Variants in SMAD3 observed in about 807,000 individuals in gnomAD.
SMAD3 encodes MAD homolog 3.
Under a neutral mutation model 51.8 loss-of-function variants are expected in SMAD3, and 12 were observed. The ratio of observed to expected loss-of-function variants is 0.23; its 90% CI spans 0.15 to 0.38. The LOEUF is 0.38. Among genes scored for constraint, SMAD3 ranks in the 10% least tolerant of loss-of-function variants. The probability of loss-of-function intolerance (pLI) is 1.00; values close to 1 mark genes in which losing one functional copy is unlikely to be tolerated. For missense variants in SMAD3, 294 were observed against 565.6 expected (o/e 0.52, Z 4.87); for synonymous variants, 238 against 227.7 (o/e 1.05, Z -0.41).
chr15:67,123,898 C>T (rs1301006372), intron 1 of SMAD3, among the ~76,000 whole-genome samples: 1 of 152,186 alleles, frequency 6.6e-6, no homozygotes, highest in Non-Finnish European at 1.5e-5. Flanking sequence ...TCCTGCTTTC[C>T]AACTTTCGGA....
In SMAD3 at chr15:67,191,460, C is replaced by T. The variant is rs751729329; in HGVS notation, c.*924C>T. 3.4e-5 allele frequency: 8 copies of T among 233,208 alleles called. No individual in the cohort carries two copies. The highest frequency in any genetic ancestry group is 6.0e-5 in the East Asian group (1 of 16,736). The allele number at this position is 233,208 out of a possible 1,614,324, so 14.4% of individuals were successfully genotyped here. ...AGCTTGCTCCAGATTCTGATGCATA[C>T]GGCTATATTGGTTTATGTAGTCAGT... On this transcript the variant is annotated 3_prime_UTR_variant, in exon 9 of 9. Coordinates refer to ENST00000327367, the MANE Select transcript of SMAD3 (RefSeq NM_005902.4).
chr15:67,104,137 G>C (rs1960824265), intron 1 of SMAD3, among the ~76,000 whole-genome samples: 1 of 152,068 alleles, frequency 6.6e-6, no homozygotes, highest in Non-Finnish European at 1.5e-5. Context: ...ATTTTCGTCT[G>C]CCCCCCATCT....
rs61740807 is a variant in SMAD3, at chr15:67,194,089, C to G, written c.*3553C>G. ...GATACCAGCAGCAAGAGAGTGCACC[C>G]GTTTAGCCCTGGACCCTGTTTCTTA... is the stretch of plus-strand genomic sequence containing the variant. On this transcript the variant is annotated 3_prime_UTR_variant, in exon 9 of 9. Transcript: ENST00000327367. 1,515 of 233,330 alleles carry G rather than the reference C, an allele frequency of 6.5e-3. 19 individuals are homozygous for G. Among genetic ancestry groups the G allele is most frequent in the African/African-American group, 0.029 (1,315 of 45,444 alleles). The allele number at this position is 233,330 out of a possible 1,614,324, so 14.5% of individuals were successfully genotyped here.
intron 1 of SMAD3, among the ~76,000 whole-genome samples, chr15:67,155,333 A>G (rs561478413): frequency 3.3e-5 from 5 of 152,252 alleles, no homozygotes; most frequent in Non-Finnish European, 7.3e-5. Context: ...ACCAAAGGGA[A>G]TAAGTGAACC....
intron 1 of SMAD3, among the ~76,000 whole-genome samples, chr15:67,159,915 A>G (rs752882290): frequency 6.6e-6 from 1 of 152,214 alleles, no homozygotes; most frequent in African/African-American, 2.4e-5. Flanking sequence ...TGGCTCATTC[A>G]TCTGTTAATA....
At chr15:67,071,627 C>T (rs1171944005) in intron 1 of SMAD3, among the ~76,000 whole-genome samples, 13 of 152,174 alleles carry the variant, frequency 8.5e-5, no homozygotes, top group East Asian at 3.9e-4. Flanking sequence ...CTGGCTAACA[C>T]GGTGAAACCC....
intron 5 of SMAD3, among the ~76,000 whole-genome samples, chr15:67,173,735 A>C (rs919006758): frequency 6.6e-6 from 1 of 152,252 alleles, no homozygotes; most frequent in Non-Finnish European, 1.5e-5. Context: ...GAGGCAAAAC[A>C]AAACAAAACA....
chr15:67,170,536 A>G lies in SMAD3; in HGVS notation c.608-18A>G, dbSNP rs941611694. The stretch of plus-strand genomic sequence containing the variant: ...CAAGAATCTTTTGTGAAGTCTCACA[A>G]CTTGTCTCACCTCGCAGGTTCTCCA... On this transcript the variant is annotated intron_variant, in intron 4 of 8. Coordinates refer to ENST00000327367, the MANE Select transcript of SMAD3 (RefSeq NM_005902.4). The G allele has an allele frequency of 2.5e-6, 4 of 1,612,266 alleles. No homozygotes were observed. In the African/African-American group the frequency reaches 4.0e-5, roughly 16 times the overall value.
intron 4 of SMAD3, 81 bp downstream of exon 4, chr15:67,166,934 C>T (rs986375920): frequency 3.9e-6 from 4 of 1,023,334 alleles, no homozygotes; most frequent in Non-Finnish European, 4.5e-6. Context: ...TCCTCTTCGC[C>T]CTCTCCCTCC....
chr15:67,097,097 G>C (rs569636259), intron 1 of SMAD3, among the ~76,000 whole-genome samples: 7 of 152,344 alleles, frequency 4.6e-5, no homozygotes, highest in African/African-American at 1.7e-4. Context: ...TCATCAGGCA[G>C]TCCTCAGTCT....
At chr15:67,105,546 G>A (rs1034213928) in intron 1 of SMAD3, among the ~76,000 whole-genome samples, 1 of 152,224 alleles carries the variant, frequency 6.6e-6, no homozygotes, top group Non-Finnish European at 1.5e-5. Context: ...GGCTCTAGCT[G>A]TGGGCAGAAA....
At chr15:67,174,879 G>A (rs1962846852) in intron 5 of SMAD3, among the ~76,000 whole-genome samples, 1 of 152,230 alleles carries the variant, frequency 6.6e-6, no homozygotes, top group African/African-American at 2.4e-5. Context: ...TCAGGTCTGG[G>A]GAAGGTTGAG....
At chr15:67,162,393 T>C (rs1482401749) in intron 1 of SMAD3, among the ~76,000 whole-genome samples, 1 of 152,144 alleles carries the variant, frequency 6.6e-6, no homozygotes, top group Non-Finnish European at 1.5e-5. Context: ...CAGTCCTGCC[T>C]CTTAATAGGG....
intron 1 of SMAD3, chr15:67,098,627 T>G: frequency 1.9e-6 from 1 of 516,552 alleles, no homozygotes; most frequent in Non-Finnish European, 3.5e-6. Context: ...CAGATCTGCT[T>G]ATTTCGAGGG....
At chr15:67,183,013 ATATATATATATATATATATTTTTTTT>A (rs1963116565) in intron 6 of SMAD3, among the ~76,000 whole-genome samples, 1 of 71,454 alleles carries the variant, frequency 1.4e-5, no homozygotes, top group Admixed American at 1.7e-4. Flanking sequence ...ATATATATAT[ATATATATATATATATATATTTTTTTT>A]TTTTTTTTTT....
At chr15:67,138,165 G>A in intron 1 of SMAD3, 2 of 1,267,772 alleles carry the variant, frequency 1.6e-6, no homozygotes, top group Non-Finnish European at 2.3e-6. Flanking sequence ...CCCGTCCACA[G>A]GGTTGCTGGC....
chr15:67,092,829 G>A (rs1236121385), intron 1 of SMAD3, among the ~76,000 whole-genome samples: 2 of 152,180 alleles, frequency 1.3e-5, no homozygotes, highest in East Asian at 1.9e-4. Flanking sequence ...TTGCTGTGAC[G>A]GTTAAATGTA....
chr15:67,151,868 AATGTTACTATGT>A (rs1343111954), intron 1 of SMAD3, among the ~76,000 whole-genome samples: 2 of 152,180 alleles, frequency 1.3e-5, no homozygotes, highest in African/African-American at 4.8e-5. Flanking sequence ...GTAATATATG[AATGTTACTATGT>A]ATGTTACTAT....
chr15:67,184,215 C>T (rs1483819896), intron 6 of SMAD3, among the ~76,000 whole-genome samples: 2 of 151,460 alleles, frequency 1.3e-5, no homozygotes, highest in African/African-American at 4.9e-5. Context: ...AATCCACTCA[C>T]CTCAGCCTCC....
Sources: gnomAD v4.1 joint callset for allele counts (sites outside exome capture counted in the v4.1 genomes callset) on GRCh38, gnomAD v4.1.1 for gene constraint, MANE v1.5 for transcripts, NCBI Gene and HGNC (gene_info 2026-07-23, HGNC 2026-07-21) for gene names.